The following RASGEF1C variants were observed in gnomAD, a reference collection of about 807,000 sequenced individuals.
The protein encoded by RASGEF1C is RasGEF domain family member 1C.
RASGEF1C carries 27 observed loss-of-function variants against 58.1 expected under a neutral mutation model. That is an observed-to-expected ratio of 0.46 (90% CI 0.34 to 0.64). The LOEUF is 0.64. Ranked by LOEUF, RASGEF1C falls within the 30% of genes least tolerant of loss-of-function variation. The probability of loss-of-function intolerance (pLI) is 0.01; values close to 1 mark genes in which losing one functional copy is unlikely to be tolerated. For missense variants in RASGEF1C, 502 were observed against 605.1 expected, an observed-to-expected ratio of 0.83 and a Z score of 1.79; for synonymous variants, 243 against 246.3, an observed-to-expected ratio of 0.99 and a Z score of 0.13.
At chr5:180,153,605 G>A (rs1376163647) in intron 1 of RASGEF1C, among the ~76,000 whole-genome samples, 2 of 152,158 alleles carry the variant, frequency 1.3e-5, no homozygotes, top group Middle Eastern at 3.2e-3. Context: ...CGTCTTCCCT[G>A]ACTTCTCTTC....
At chr5:180,110,838 C>T (rs6601083) in intron 12 of RASGEF1C, among the ~76,000 whole-genome samples, 67,024 of 151,390 alleles carry the variant, frequency 0.44, 15,270 homozygotes, top group South Asian at 0.6. Flanking sequence ...TTTTTTGAGA[C>T]GAAGTCTTGC....
At chr5:180,128,281 A>C (rs1766298660) in intron 5 of RASGEF1C, 129 bp downstream of exon 5, 3 of 876,174 alleles carry the variant, frequency 3.4e-6, no homozygotes, top group Non-Finnish European at 5.6e-6. Flanking sequence ...GGCCCAGTGC[A>C]TGCTCGAGGC....
chr5:180,135,578 T>C (rs1766457440), intron 4 of RASGEF1C, among the ~76,000 whole-genome samples: 1 of 152,200 alleles, frequency 6.6e-6, no homozygotes, highest in Non-Finnish European at 1.5e-5. Context: ...AGGAGACGTC[T>C]AGCTCCATAA....
At chr5:180,114,716 C>T (rs145223813) in intron 10 of RASGEF1C, among the ~76,000 whole-genome samples, 175 bp from the exon 11 acceptor site, 80 of 152,254 alleles carry the variant, frequency 5.3e-4, no homozygotes, top group African/African-American at 1.9e-3. Context: ...TCACGGGTTA[C>T]GAGGTGAATT....
chr5:180,168,938 C>CG lies in RASGEF1C; in HGVS notation c.-6-30881dup, dbSNP rs1237221389. Among the ~76,000 whole-genome samples the CG allele has an allele frequency of 2.0e-5, 3 of 152,056 alleles. No homozygotes were observed. The highest frequency in any genetic ancestry group is 4.4e-5 in the Non-Finnish European group (3 of 68,026). On this transcript the variant is annotated intron_variant, in intron 1 of 13. Coordinates refer to ENST00000361132, the MANE Select transcript of RASGEF1C (RefSeq NM_175062.4). This position sits in a 1 kb window ranked among gnomAD's most constrained non-coding sequence, Gnocchi z 6.0. The stretch of plus-strand genomic sequence containing the variant: ...GCCCTGAGTGCAGGCTTGGCTAGAG[C>CG]GGGGGAAAAACGGCAAACCTACTTC...
chr5:180,101,405 A>G lies in RASGEF1C; in HGVS notation c.*96T>C. The G allele has an allele frequency of 7.1e-7, 1 of 1,411,522 alleles. No individual in the cohort carries two copies. The highest frequency in any genetic ancestry group is 9.8e-7 in the Non-Finnish European group (1 of 1,022,960). The allele number at this position is 1,411,522 out of a possible 1,614,324, so 87.4% of individuals were successfully genotyped here. A position where few individuals can be genotyped will look rare whatever the true frequency, so the allele number is the denominator to read the frequency against. On this transcript the variant is annotated 3_prime_UTR_variant, in exon 14 of 14. Coordinates refer to ENST00000361132, the MANE Select transcript of RASGEF1C (RefSeq NM_175062.4). The stretch of plus-strand genomic sequence containing the variant: ...CAGGGTCGGCATTTGCAAAATAGTG[A>G]GGCACTCCCTGGCCTCTGCCCACTG...
chr5:180,190,799 A>C (rs4400089), intron 1 of RASGEF1C, among the ~76,000 whole-genome samples: 111,424 of 151,932 alleles, frequency 0.73, 41,144 homozygotes, highest in Middle Eastern at 0.83. Flanking sequence ...CTTAAACACC[A>C]AAACATGATT....
intron 1 of RASGEF1C, among the ~76,000 whole-genome samples, chr5:180,142,157 G>A (rs946257886): frequency 3.3e-5 from 5 of 152,096 alleles, no homozygotes; most frequent in Non-Finnish European, 5.9e-5. Context: ...CGTTCTGCTC[G>A]TACCCTGTAG....
chr5:180,115,444 C>A (rs572176386), intron 10 of RASGEF1C: 3 of 323,950 alleles, frequency 9.3e-6, no homozygotes, highest in South Asian at 5.2e-5. Context: ...TGAAGGGCTG[C>A]GGGCTGCGTG....
chr5:180,155,514 C>A lies in RASGEF1C; in HGVS notation c.-6-17456G>T, dbSNP rs1766834128. Among the ~76,000 whole-genome samples the A allele has an allele frequency of 6.6e-6, 1 of 152,254 alleles. No homozygotes were observed. The highest frequency in any genetic ancestry group is 2.4e-5 in the African/African-American group (1 of 41,562). On this transcript the variant is annotated intron_variant, in intron 1 of 13. Coordinates refer to ENST00000361132, the MANE Select transcript of RASGEF1C (RefSeq NM_175062.4). This position sits in a 1 kb window ranked among gnomAD's most constrained non-coding sequence, Gnocchi z 5.2. The stretch of plus-strand genomic sequence containing the variant: ...TGAGTTATTTTTGGGCTCCATATGG[C>A]CTTCAACTCCTGCTGACAGATCCCG...
At chr5:180,153,987 T>C (rs1313279663) in intron 1 of RASGEF1C, among the ~76,000 whole-genome samples, 1 of 152,196 alleles carries the variant, frequency 6.6e-6, no homozygotes, top group African/African-American at 2.4e-5. Context: ...TCAGCATGTG[T>C]CCCAGAAGCC....
In RASGEF1C at chr5:180,139,365, C is replaced by T. The variant is rs972816892; in HGVS notation, c.-6-1307G>A. Among the ~76,000 whole-genome samples the T allele has an allele frequency of 5.3e-5, 8 of 152,216 alleles. 1 individual carries two copies. In the South Asian group the frequency reaches 8.3e-4, roughly 16 times the overall value. The stretch of plus-strand genomic sequence containing the variant: ...CCCTGCTCATGCCGTCCTTGCTGCC[C>T]CGATGGCAAACCCTGACCCTGGCCT... On this transcript the variant is annotated intron_variant, in intron 1 of 13. Transcript: ENST00000361132.
At chr5:180,113,344 GGGGATGGACTGAGGGATCC>G (rs1561731176) in intron 11 of RASGEF1C, among the ~76,000 whole-genome samples, 7 of 35,930 alleles carry the variant, frequency 1.9e-4, no homozygotes, top group African/African-American at 5.3e-4. Context: ...CGGAGGGACC[GGGGATGGACTGAGGGATCC>G]GGGATGGACG....
intron 12 of RASGEF1C, among the ~76,000 whole-genome samples, chr5:180,109,863 G>C (rs1765930077): frequency 6.6e-6 from 1 of 152,148 alleles, no homozygotes; most frequent in African/African-American, 2.4e-5. Context: ...TTTTAGCCCA[G>C]AGAAACTCAT....
intron 1 of RASGEF1C, among the ~76,000 whole-genome samples, chr5:180,194,490 A>G (rs1343277181): frequency 2.0e-5 from 3 of 152,210 alleles, no homozygotes; most frequent in Non-Finnish European, 4.4e-5. Context: ...CACGGGGTCT[A>G]CGCTCAAGTC....
At chr5:180,102,951 G>C (rs1765814264) in intron 12 of RASGEF1C, among the ~76,000 whole-genome samples, 1 of 152,196 alleles carries the variant, frequency 6.6e-6, no homozygotes, top group Admixed American at 6.5e-5. Flanking sequence ...GCTGGGATTT[G>C]GGTAGGAATT....
Position 180,137,795 on chromosome 5 carries a change from C to T in RASGEF1C, c.177+81G>A, listed in dbSNP as rs1479043537. 2.5e-6 allele frequency: 4 copies of T among 1,603,180 alleles called. No homozygotes were observed. Among genetic ancestry groups the T allele is most frequent in the East Asian group, 4.5e-5 (2 of 44,756 alleles). On this transcript the variant is annotated intron_variant, in intron 2 of 13. Transcript: ENST00000361132. This position sits in a 1 kb window ranked among gnomAD's most constrained non-coding sequence, Gnocchi z 4.1. ...TTCCCAGCTGGCCCTGTACCCTGGC[C>T]CAAGGTCACGCCCAACCCTGATGCC...
In RASGEF1C at chr5:180,113,094, A is replaced by ATCCGGG. The variant is rs1203156820; in HGVS notation, c.1179+1351_1179+1352insCCCGGA. Among the ~76,000 whole-genome samples, 4 of 133,728 alleles carry ATCCGGG rather than the reference A, an allele frequency of 3.0e-5. 1 individual carries two copies. The highest frequency in any genetic ancestry group is 2.3e-4 in the East Asian group (1 of 4,284). The allele number at this position is 133,728 out of a possible 152,430, so 87.7% of individuals were successfully genotyped here. A position where few individuals can be genotyped will look rare whatever the true frequency, so the allele number is the denominator to read the frequency against. Reference sequence around the variant, plus strand: ...GGAGGGACCGGGGATGGACAGAGGGACTGGGGATGGACGGAGGGACCGGGG... The same window carrying ATCCGGG: ...GGAGGGACCGGGGATGGACAGAGGGATCCGGGCTGGGGATGGACGGAGGGACCGGGG... On this transcript the variant is annotated intron_variant, in intron 11 of 13. Transcript: ENST00000361132.
chr5:180,111,381 G>A, intron 12 of RASGEF1C, 76 bp downstream of exon 12: 1 of 1,595,616 alleles, frequency 6.3e-7, no homozygotes. Context: ...TCAGAGCAGG[G>A]GTCCTGAATG....
Sources: gnomAD v4.1 joint callset for allele counts (sites outside exome capture counted in the v4.1 genomes callset) on GRCh38, gnomAD v4.1.1 for gene constraint, Gnocchi (gnomAD v3.1) non-coding constraint, MANE v1.5 for transcripts, NCBI Gene and HGNC (gene_info 2026-07-23, HGNC 2026-07-21) for gene names.